The following WWP2 variants were observed in gnomAD, a reference collection of about 807,000 sequenced individuals.
WWP2 encodes the protein WW domain containing E3 ubiquitin protein ligase 2, also known as NEDD4-like E3 ubiquitin-protein ligase WWP2.
Under a neutral mutation model 121.0 loss-of-function variants are expected in WWP2, and 57 were observed. That is an observed-to-expected ratio of 0.47 (90% CI 0.38 to 0.59). The LOEUF is 0.59. Ranked by LOEUF, WWP2 falls within the 20% of genes least tolerant of loss-of-function variation. The probability of loss-of-function intolerance (pLI) is 0.00; values close to 1 mark genes in which losing one functional copy is unlikely to be tolerated. For synonymous variants in WWP2, 449 were observed against 441.3 expected (o/e 1.02, Z -0.22); for missense variants, 962 against 1,158.9 (o/e 0.83, Z 2.47).
intron 4 of WWP2, among the ~76,000 whole-genome samples, chr16:69,817,556 T>A (rs1029787049): frequency 2.0e-5 from 3 of 150,556 alleles, no homozygotes; most frequent in Admixed American, 6.6e-5. Flanking sequence ...AGCCAGATGC[T>A]TTGTTTTTGT....
intron 8 of WWP2, among the ~76,000 whole-genome samples, chr16:69,900,406 A>T (rs975803388): frequency 6.6e-6 from 1 of 151,648 alleles, no homozygotes; most frequent in African/African-American, 2.4e-5. Context: ...AAGCAGGAAG[A>T]TTGCTTGAGC....
chr16:69,929,600 G>A (rs1233187916), intron 12 of WWP2, 71 bp downstream of exon 12: 14 of 1,375,472 alleles, frequency 1.0e-5, no homozygotes, highest in African/African-American at 1.4e-5. Context: ...TGGGCAGGTG[G>A]CTTTGGACTG....
intron 11 of WWP2, among the ~76,000 whole-genome samples, chr16:69,926,778 G>A (rs2058646123): frequency 6.6e-6 from 1 of 152,174 alleles, no homozygotes; most frequent in Non-Finnish European, 1.5e-5. Flanking sequence ...TCAGAGATTG[G>A]CAGCAACTCC....
At chr16:69,865,984 G>A (rs1360808635) in intron 6 of WWP2, among the ~76,000 whole-genome samples, 1 of 152,154 alleles carries the variant, frequency 6.6e-6, no homozygotes. Context: ...ATTTTTGTTC[G>A]ACACTGAGGA....
Position 69,937,762 on chromosome 16 carries a change from C to A in WWP2, c.2343+110C>A. 3.1e-6 allele frequency: 3 copies of A among 974,014 alleles called. No individual in the cohort carries two copies. Among genetic ancestry groups the A allele is most frequent in the Non-Finnish European group, 3.1e-6 (2 of 646,300 alleles). 60.3% of individuals were successfully genotyped at this position (974,014 alleles called of 1,614,324 possible). On this transcript the variant is annotated intron_variant, in intron 21 of 23. Transcript: ENST00000359154. The surrounding 1 kb of genome is among the most constrained non-coding windows in gnomAD (Gnocchi z 6.6). ...ACCTTCAGCTTTGGCCCTGTCCTTG[C>A]CTCCCACACCTTGCAAAAGGAGACG...
intron 10 of WWP2, among the ~76,000 whole-genome samples, chr16:69,923,179 G>A (rs548473669): frequency 1.3e-3 from 194 of 152,068 alleles, no homozygotes; most frequent in Non-Finnish European, 1.7e-3. Flanking sequence ...CCTGAGCCAC[G>A]GCACCCGGCC....
At chr16:69,895,769 A>T (rs932260459) in intron 8 of WWP2, among the ~76,000 whole-genome samples, 5 of 152,082 alleles carry the variant, frequency 3.3e-5, no homozygotes, top group Non-Finnish European at 5.9e-5. Flanking sequence ...CAGTTAAAAG[A>T]AAAAAAAGTT....
intron 7 of WWP2, among the ~76,000 whole-genome samples, chr16:69,883,547 C>G (rs1230135761): frequency 6.6e-6 from 1 of 152,154 alleles, no homozygotes; most frequent in Admixed American, 6.5e-5. Context: ...AATCTGAACT[C>G]AAGGTATAGC....
chr16:69,763,510 T>C (rs2038662562), intron 1 of WWP2, among the ~76,000 whole-genome samples: 2 of 152,230 alleles, frequency 1.3e-5, no homozygotes, highest in South Asian at 4.1e-4. Context: ...GGGTTACAAG[T>C]AGGAAAAAGT....
Position 69,937,463 on chromosome 16 carries a change from AT to A in WWP2, c.2239-84del, listed in dbSNP as rs2058816726. 3 of 1,453,542 alleles carry A rather than the reference AT, an allele frequency of 2.1e-6. No homozygotes were observed. In the South Asian group the frequency reaches 3.6e-5, roughly 17 times the overall value. The allele number at this position is 1,453,542 out of a possible 1,614,324, so 90.0% of individuals were successfully genotyped here. A position where few individuals can be genotyped will look rare whatever the true frequency, so the allele number is the denominator to read the frequency against. ...TGACACCAAAAATAGCTAGTTGAATATGTTTGGGGTAATGTCAAGTGCTAGC... is the reference window on the plus strand; with the variant it reads ...TGACACCAAAAATAGCTAGTTGAATAGTTTGGGGTAATGTCAAGTGCTAGC... On this transcript the variant is annotated intron_variant, in intron 20 of 23. Transcript: ENST00000359154. The surrounding 1 kb of genome is among the most constrained non-coding windows in gnomAD (Gnocchi z 6.6).
At chr16:69,914,097 A>G (rs968992926) in intron 9 of WWP2, among the ~76,000 whole-genome samples, 2 of 150,760 alleles carry the variant, frequency 1.3e-5, no homozygotes, top group Non-Finnish European at 1.5e-5. Context: ...AAAAAAAAAA[A>G]AAAGAAAGTG....
chr16:69,782,275 T>C (rs1390727346), intron 1 of WWP2, among the ~76,000 whole-genome samples: 2 of 151,958 alleles, frequency 1.3e-5, no homozygotes, highest in Non-Finnish European at 2.9e-5. Context: ...AGAGCGAGAC[T>C]CCATCTCAAA....
chr16:69,901,767 A>G (rs1366140932), intron 8 of WWP2, among the ~76,000 whole-genome samples: 1 of 152,156 alleles, frequency 6.6e-6, no homozygotes, highest in African/African-American at 2.4e-5. Flanking sequence ...ATTTTGGTGT[A>G]TCAATTTATA....
chr16:69,834,251 G>C (rs575153386), intron 4 of WWP2, among the ~76,000 whole-genome samples: 19 of 152,220 alleles, frequency 1.2e-4, no homozygotes, highest in African/African-American at 4.6e-4. Context: ...AGCTGCCCTG[G>C]CCTCCCTGCC....
At chr16:69,891,137 G>C (rs1372328914) in intron 8 of WWP2, among the ~76,000 whole-genome samples, 1 of 152,162 alleles carries the variant, frequency 6.6e-6, no homozygotes, top group Non-Finnish European at 1.5e-5. Flanking sequence ...GTCTAAGAGG[G>C]AGCATGGCAG....
chr16:69,929,990 G>A (rs1597177113), intron 12 of WWP2, 140 bp from the exon 13 acceptor site: 1 of 1,303,494 alleles, frequency 7.7e-7, no homozygotes, highest in African/African-American at 1.5e-5. Flanking sequence ...CACGACTTGG[G>A]TCATGCTTCT....
chr16:69,811,046 T>C (rs955668015), intron 4 of WWP2, among the ~76,000 whole-genome samples: 56 of 152,170 alleles, frequency 3.7e-4, no homozygotes, highest in African/African-American at 1.4e-3. Flanking sequence ...TGAGCCACCA[T>C]GCCCGGCTGG....
rs1372910073 is a variant in WWP2 at position 69,907,146 on chromosome 16, A to G, written c.915-1615A>G. Among the ~76,000 whole-genome samples, 11 of 152,314 alleles carry G rather than the reference A, an allele frequency of 7.2e-5. 1 individual carries two copies. The highest frequency in any genetic ancestry group is 2.4e-4 in the African/African-American group (10 of 41,578). Reference sequence around the variant, plus strand: ...TGTGAGTATTACTGTGAACTGGTGCATGGAGGGCTATCTGAAATCAGATGG... The same window carrying G: ...TGTGAGTATTACTGTGAACTGGTGCGTGGAGGGCTATCTGAAATCAGATGG... On this transcript the variant is annotated intron_variant, in intron 8 of 23. Coordinates refer to ENST00000359154, the MANE Select transcript of WWP2 (RefSeq NM_001270454.2).
At chr16:69,875,013 C>A (rs2057710941) in intron 7 of WWP2, among the ~76,000 whole-genome samples, 1 of 103,446 alleles carries the variant, frequency 9.7e-6, no homozygotes, top group South Asian at 3.6e-4. Context: ...CAGAGTGAGA[C>A]CTTGTGTCAA....
Sources: gnomAD v4.1 joint callset for allele counts (sites outside exome capture counted in the v4.1 genomes callset) on GRCh38, gnomAD v4.1.1 for gene constraint, Gnocchi (gnomAD v3.1) non-coding constraint, MANE v1.5 for transcripts, NCBI Gene and HGNC (gene_info 2026-07-23, HGNC 2026-07-21) for gene names.